DPP6: variants seen among roughly 807,000 people sequenced by gnomAD.
DPP6 encodes the protein A-type potassium channel modulatory protein DPP6.
DPP6 carries 69 observed loss-of-function variants against 122.6 expected under a neutral mutation model. That is an observed-to-expected ratio of 0.56 (90% confidence interval 0.46 to 0.69). DPP6 has a LOEUF of 0.69. Ranked by LOEUF, DPP6 falls within the 30% of genes least tolerant of loss-of-function variation. The pLI, the probability that DPP6 is intolerant of heterozygous loss-of-function variation, is 0.00. For missense variants in DPP6, 928 were observed against 1,116.9 expected (o/e 0.83, Z 2.41); for synonymous variants, 418 against 433.1 (o/e 0.97, Z 0.43).
chr7:154,585,628 C>T (rs940260368), intron 5 of DPP6, among the ~76,000 whole-genome samples: 7 of 152,170 alleles, frequency 4.6e-5, no homozygotes, highest in Admixed American at 2.6e-4. Context: ...CACATCCTTC[C>T]GTGTACTTGA....
intron 1 of DPP6, among the ~76,000 whole-genome samples, chr7:154,043,282 A>G (rs2129058548): frequency 6.6e-6 from 1 of 151,744 alleles, no homozygotes; most frequent in Non-Finnish European, 1.5e-5. Context: ...AATTCTAGCT[A>G]CTTGGGAGTC....
chr7:154,344,327 T>G (rs2337880), intron 1 of DPP6, among the ~76,000 whole-genome samples: 8 of 152,050 alleles, frequency 5.3e-5, no homozygotes, highest in Admixed American at 5.2e-4. Flanking sequence ...CTAAACATCA[T>G]TGCTCATCAG....
chr7:153,818,199 T>C, the DPP6 span, among the ~76,000 whole-genome samples: 1 of 152,154 alleles, frequency 6.6e-6, no homozygotes, highest in Non-Finnish European at 1.5e-5. Flanking sequence ...AAAGTGCATA[T>C]TAAAACTGAA....
At chr7:154,225,922 G>A (rs1800572608) in intron 1 of DPP6, among the ~76,000 whole-genome samples, 2 of 151,826 alleles carry the variant, frequency 1.3e-5, no homozygotes, top group South Asian at 4.1e-4. Context: ...CAACCTCACA[G>A]TTTTGGTCCC....
At chr7:154,372,019 G>A (rs1812717025) in intron 1 of DPP6, among the ~76,000 whole-genome samples, 1 of 152,082 alleles carries the variant, frequency 6.6e-6, no homozygotes. Context: ...GATGTAAAGA[G>A]GAGAAAGGCA....
At chr7:154,227,316 A>C (rs1055918951) in intron 1 of DPP6, among the ~76,000 whole-genome samples, 2 of 151,178 alleles carry the variant, frequency 1.3e-5, no homozygotes, top group South Asian at 4.2e-4. Flanking sequence ...ACATTATACT[A>C]AGTGAAATAA....
chr7:154,684,857 C>A (rs1286526248), intron 7 of DPP6, among the ~76,000 whole-genome samples: 1 of 152,226 alleles, frequency 6.6e-6, no homozygotes, highest in Non-Finnish European at 1.5e-5. Flanking sequence ...CTGCTGTCTA[C>A]TTCCTGTAAA....
chr7:154,536,704 A>C lies in DPP6; in HGVS notation c.458-3828A>C, dbSNP rs919362714. ...GCAAGATGTACTACAAAGGTACATAATTTCACAGTGTAGTATCAATGCAGG... is the reference window on the plus strand; with the variant it reads ...GCAAGATGTACTACAAAGGTACATACTTTCACAGTGTAGTATCAATGCAGG... On this transcript the variant is annotated intron_variant, in intron 3 of 25. Transcript: ENST00000377770. 2.0e-5 allele frequency among the ~76,000 whole-genome samples: 3 copies of C among 152,200 alleles called. No individual in the cohort carries two copies. The East Asian group carries it at 5.8e-4, about 29-fold the overall frequency.
At chr7:154,060,212 C>T (rs903492460) in intron 1 of DPP6, among the ~76,000 whole-genome samples, 4 of 146,352 alleles carry the variant, frequency 2.7e-5, no homozygotes, top group African/African-American at 1.0e-4. Context: ...GAGCGAGCCC[C>T]TCTTCCCCCC....
chr7:154,827,007 A>C (rs1341058372), intron 16 of DPP6, among the ~76,000 whole-genome samples: 1 of 152,088 alleles, frequency 6.6e-6, no homozygotes, highest in African/African-American at 2.4e-5. Context: ...GAATATGGAG[A>C]ACCTAGAAAC....
At chr7:153,900,858 A>C (rs1563218003) in intron 1 of DPP6, among the ~76,000 whole-genome samples, 1 of 152,190 alleles carries the variant, frequency 6.6e-6, no homozygotes, top group Admixed American at 6.5e-5. Flanking sequence ...TGTGGCCCCA[A>C]AATAATTTAA....
At chr7:154,470,760 A>T (rs1822193611) in intron 2 of DPP6, among the ~76,000 whole-genome samples, 1 of 152,140 alleles carries the variant, frequency 6.6e-6, no homozygotes, top group African/African-American at 2.4e-5. Context: ...TATCAAGCTA[A>T]AGGGCTGGAA....
At chr7:154,570,958 C>T (rs185743581) in intron 5 of DPP6, among the ~76,000 whole-genome samples, 224 of 152,234 alleles carry the variant, frequency 1.5e-3, no homozygotes, top group Non-Finnish European at 2.2e-3. Context: ...TATGTGGCAC[C>T]AGCATTATAG....
intron 1 of DPP6, among the ~76,000 whole-genome samples, chr7:153,938,812 T>C (rs374830115): frequency 1.3e-5 from 2 of 152,232 alleles, no homozygotes; most frequent in East Asian, 3.8e-4. Flanking sequence ...GGAGCCTTGC[T>C]AAGCTGCCTG....
chr7:154,497,056 C>G (rs546270874), intron 3 of DPP6, among the ~76,000 whole-genome samples: 1 of 152,142 alleles, frequency 6.6e-6, no homozygotes, highest in Non-Finnish European at 1.5e-5. Flanking sequence ...AGCAAACTCC[C>G]TCCCTCCCCC....
intron 21 of DPP6, chr7:154,883,749 CTACA>C (rs1805723362): frequency 7.9e-6 from 1 of 126,650 alleles, no homozygotes; most frequent in Admixed American, 7.3e-5. Flanking sequence ...ACAAACACGA[CTACA>C]TACACCTACT....
intron 1 of DPP6, among the ~76,000 whole-genome samples, chr7:154,180,142 G>C (rs924335178): frequency 6.6e-6 from 1 of 152,026 alleles, no homozygotes; most frequent in Admixed American, 6.6e-5. Flanking sequence ...GAAGCCAGGA[G>C]TTCAAGACCA....
chr7:154,812,854 C>A (rs1011094037), intron 16 of DPP6, among the ~76,000 whole-genome samples: 5 of 152,162 alleles, frequency 3.3e-5, no homozygotes, highest in African/African-American at 1.2e-4. Context: ...TGTCCAACAT[C>A]ATTATAGAGT....
At chr7:154,672,046 C>G (rs1000974891) in intron 7 of DPP6, among the ~76,000 whole-genome samples, 1 of 152,088 alleles carries the variant, frequency 6.6e-6, no homozygotes, top group Non-Finnish European at 1.5e-5. Flanking sequence ...TTATTATAAT[C>G]CCCATGTGTC....
Sources: gnomAD v4.1 joint callset for allele counts (sites outside exome capture counted in the v4.1 genomes callset) on GRCh38, gnomAD v4.1.1 for gene constraint, MANE v1.5 for transcripts, NCBI Gene and HGNC (gene_info 2026-07-23, HGNC 2026-07-21) for gene names.